The following RNF17 variants were observed in gnomAD, a reference collection of about 807,000 sequenced individuals.
RNF17 encodes ring finger protein 17.
Under a neutral mutation model 200.5 loss-of-function variants are expected in RNF17, and 31 were observed. That is an observed-to-expected ratio of 0.15 (90% confidence interval 0.12 to 0.21). RNF17 has a LOEUF of 0.21. Ranked by LOEUF, RNF17 falls within the 10% of genes least tolerant of loss-of-function variation. The pLI, the probability that RNF17 is intolerant of heterozygous loss-of-function variation, is 1.00. For missense variants in RNF17, 1,628 were observed against 1,905.1 expected (o/e 0.85, Z 2.71); for synonymous variants, 606 against 637.8 (o/e 0.95, Z 0.75).
At chr13:24,885,182 C>G in the RNF17 span, 1 of 846,878 alleles carries the variant, frequency 1.2e-6, no homozygotes. Context: ...GGCATCTTGT[C>G]CAAAGAGCCC....
the RNF17 span, among the ~76,000 whole-genome samples, chr13:24,748,855 T>C: frequency 6.6e-6 from 1 of 152,084 alleles, no homozygotes; most frequent in Non-Finnish European, 1.5e-5. Flanking sequence ...GTCCAAGCGA[T>C]TCTCCTGCCT....
chr13:24,815,475 A>C (rs907337959), intron 15 of RNF17, among the ~76,000 whole-genome samples: 1 of 125,702 alleles, frequency 8.0e-6, no homozygotes, highest in African/African-American at 3.0e-5. Context: ...GTGTGTGTGT[A>C]TAATTTGGGG....
the RNF17 span, among the ~76,000 whole-genome samples, chr13:24,750,206 T>C: frequency 6.6e-6 from 1 of 152,262 alleles, no homozygotes; most frequent in Admixed American, 6.5e-5. Context: ...TTATAATTCA[T>C]GTCACAAAAT....
intron 22 of RNF17, 124 bp downstream of exon 22, chr13:24,845,203 G>A: frequency 5.0e-6 from 3 of 599,846 alleles, no homozygotes; most frequent in South Asian, 4.5e-5. Context: ...GACTTCAAGA[G>A]GGAAAGAGAG....
chr13:24,770,479 G>A (rs1292504676), intron 2 of RNF17, among the ~76,000 whole-genome samples: 2 of 152,074 alleles, frequency 1.3e-5, no homozygotes, highest in Admixed American at 6.5e-5. Flanking sequence ...GCTGATAATA[G>A]CATTAACCTC....
Position 24,802,806 on chromosome 13 carries a change from T to C in RNF17, c.1949+235T>C, listed in dbSNP as rs542402868. 5.9e-5 allele frequency among the ~76,000 whole-genome samples: 9 copies of C among 152,290 alleles called. No individual in the cohort carries two copies. The South Asian group carries it at 1.9e-3, about 32-fold the overall frequency. On this transcript the variant is annotated intron_variant, in intron 14 of 35. Transcript: ENST00000255324. ...CGTCTCACAACTGTAATTCTAGCACTGTGGGAGGCCGAGGAGGGAGGATTC... is the reference window on the plus strand; with the variant it reads ...CGTCTCACAACTGTAATTCTAGCACCGTGGGAGGCCGAGGAGGGAGGATTC...
intron 9 of RNF17, among the ~76,000 whole-genome samples, chr13:24,790,653 G>A (rs989434377): frequency 6.6e-6 from 1 of 152,164 alleles, no homozygotes; most frequent in African/African-American, 2.4e-5. Context: ...TTATTTGCTT[G>A]CAGTTCTGGC....
chr13:24,880,986 A>G (rs1489003688), downstream of RNF17, among the ~76,000 whole-genome samples: 2 of 152,062 alleles, frequency 1.3e-5, no homozygotes, highest in Non-Finnish European at 2.9e-5. Context: ...TGCTTGTTCA[A>G]ATAGTTTGTC....
chr13:24,850,360 A>G lies in RNF17; in HGVS notation c.3121A>G (p.Lys1041Glu), dbSNP rs1891741618. The stretch of plus-strand genomic sequence containing the variant: ...TTGTAGACCAGCTGGTGGGAGTGAC[A>G]AGTGGACAGCAACAGCTTGTGACTG... The part of the protein sequence containing the change: ...VDIRPAGGSD[K>E]WTATACDCLS... The change falls in exon 23 of 36, where the codon AAG (lysine) becomes GAG (glutamate). Residue 1041 changes from lysine to glutamate, a missense_variant. This residue lies in a region of RNF17 where 227 missense variants were observed against 319.8 expected (regional missense o/e 0.71). Coordinates refer to ENST00000255324, the MANE Select transcript of RNF17 (RefSeq NM_031277.3). 1 of 1,613,186 alleles carries G rather than the reference A, an allele frequency of 6.2e-7. No homozygotes were observed. The highest frequency in any genetic ancestry group is 1.3e-5 in the African/African-American group (1 of 74,914).
upstream of RNF17, among the ~76,000 whole-genome samples, chr13:24,762,201 C>G (rs1431477947): frequency 1.3e-5 from 2 of 151,836 alleles, no homozygotes; most frequent in African/African-American, 4.8e-5. Flanking sequence ...GAAACCCAGT[C>G]AATACTAAAA....
intron 7 of RNF17, among the ~76,000 whole-genome samples, chr13:24,788,505 A>G (rs1883415751): frequency 6.6e-6 from 1 of 152,148 alleles, no homozygotes; most frequent in Non-Finnish European, 1.5e-5. Context: ...GAGGACAAAT[A>G]AGGGTAGCAA....
chr13:24,878,254 T>C (rs764158797), intron 34 of RNF17, among the ~76,000 whole-genome samples: 1 of 152,232 alleles, frequency 6.6e-6, no homozygotes, highest in Non-Finnish European at 1.5e-5. Flanking sequence ...ATATATGCTA[T>C]TGCATGTGCA....
At chr13:24,840,767 A>T (rs1475515382) in intron 18 of RNF17, among the ~76,000 whole-genome samples, 1 of 152,130 alleles carries the variant, frequency 6.6e-6, no homozygotes, top group African/African-American at 2.4e-5. Flanking sequence ...AGGATAAAAG[A>T]CTACAAATAC....
rs932716744 is a variant in RNF17, at chr13:24,877,317, T to C, written c.4773+131T>C. The stretch of plus-strand genomic sequence containing the variant: ...ATATACAGCTATATAGGATATAGTT[T>C]ATATGTATAGCTTTATATATACATA... On this transcript the variant is annotated intron_variant, in intron 34 of 35. Coordinates refer to ENST00000255324, the MANE Select transcript of RNF17 (RefSeq NM_031277.3). The C allele has an allele frequency of 6.0e-6, 4 of 665,676 alleles. No homozygotes were observed. In the East Asian group the frequency reaches 9.0e-5, roughly 15 times the overall value. 41.2% of individuals were successfully genotyped at this position (665,676 alleles called of 1,614,324 possible).
chr13:24,845,948 C>G (rs1469129491), intron 22 of RNF17, among the ~76,000 whole-genome samples: 1 of 152,106 alleles, frequency 6.6e-6, no homozygotes, highest in Admixed American at 6.6e-5. Context: ...GGGGAAAGGG[C>G]CAGGTGAGGT....
intron 22 of RNF17, among the ~76,000 whole-genome samples, chr13:24,845,554 G>A (rs1174596548): frequency 6.6e-6 from 1 of 152,148 alleles, no homozygotes; most frequent in East Asian, 1.9e-4. Context: ...TCAAATATTA[G>A]CAGGTGGGGT....
chr13:24,866,564 A>G (rs773259652), intron 30 of RNF17, among the ~76,000 whole-genome samples: 1 of 152,244 alleles, frequency 6.6e-6, no homozygotes, highest in South Asian at 2.1e-4. Context: ...TTCACTTAGC[A>G]TAACATTTTC....
At chr13:24,850,067 T>G (rs1178329389) in intron 22 of RNF17, among the ~76,000 whole-genome samples, 1 of 152,124 alleles carries the variant, frequency 6.6e-6, no homozygotes, top group Non-Finnish European at 1.5e-5. Context: ...ATATACCTGT[T>G]TTTTACAGCT....
At chr13:24,784,958 C>T (rs761683974) in intron 6 of RNF17, among the ~76,000 whole-genome samples, 24 of 152,150 alleles carry the variant, frequency 1.6e-4, no homozygotes, top group Non-Finnish European at 2.8e-4. Flanking sequence ...CCATCTGCCT[C>T]GGCCTCCCAA....
Sources: allele counts gnomAD v4.1 joint callset (sites outside exome capture counted in the v4.1 genomes callset), GRCh38; gene constraint gnomAD v4.1.1; regional missense constraint gnomAD v4.1.1; transcripts MANE v1.5; gene names NCBI Gene and HGNC (gene_info 2026-07-23, HGNC 2026-07-21).